Variants in KAT6B observed in about 807,000 individuals in gnomAD.
KAT6B encodes the protein histone acetyltransferase KAT6B.
Under a neutral mutation model 187.5 loss-of-function variants are expected in KAT6B, and 10 were observed. The observed-to-expected ratio is 0.05, with a 90% CI of 0.03 to 0.09. KAT6B has a LOEUF of 0.09. Among genes scored for constraint, KAT6B ranks in the 10% least tolerant of loss-of-function variants. The pLI is 1.00. For missense variants in KAT6B, 1,952 were observed against 2,558.9 expected (o/e 0.76, Z 5.12); for synonymous variants, 861 against 926.8 (o/e 0.93, Z 1.29).
chr10:74,829,679 A>G (rs1158230139), intron 1 of KAT6B, among the ~76,000 whole-genome samples: 1 of 151,572 alleles, frequency 6.6e-6, no homozygotes, highest in African/African-American at 2.4e-5. Context: ...TCCTGACCTC[A>G]GGTGATCCAC....
At chr10:74,866,253 G>A (rs1425792941) in intron 3 of KAT6B, among the ~76,000 whole-genome samples, 1 of 151,608 alleles carries the variant, frequency 6.6e-6, no homozygotes, top group Non-Finnish European at 1.5e-5. Context: ...GATTATCTAG[G>A]ATGTCTTTAT....
chr10:74,943,903 C>T (rs1849886031), intron 3 of KAT6B, among the ~76,000 whole-genome samples: 1 of 152,184 alleles, frequency 6.6e-6, no homozygotes, highest in Admixed American at 6.5e-5. Flanking sequence ...TATATACATA[C>T]ATACAAAGGA....
At chr10:75,019,582 TG>T (rs1290026478) in intron 13 of KAT6B, among the ~76,000 whole-genome samples, 2 of 152,240 alleles carry the variant, frequency 1.3e-5, no homozygotes, top group East Asian at 3.9e-4. Context: ...CTACTGTATG[TG>T]GTTGATGTTT....
intron 11 of KAT6B, chr10:74,983,805 T>C (rs934725530): frequency 6.6e-6 from 1 of 152,204 alleles, no homozygotes; most frequent in Non-Finnish European, 1.5e-5. Flanking sequence ...TTGGATTTGA[T>C]AAGTACCGAG....
intron 12 of KAT6B, among the ~76,000 whole-genome samples, chr10:74,987,437 A>G (rs1345602707): frequency 6.6e-6 from 1 of 152,194 alleles, no homozygotes; most frequent in Non-Finnish European, 1.5e-5. Context: ...CTCAAAAAAA[A>G]AAAGACTAGA....
intron 13 of KAT6B, among the ~76,000 whole-genome samples, chr10:75,002,199 G>A (rs918583959): frequency 6.6e-6 from 1 of 152,130 alleles, no homozygotes; most frequent in Non-Finnish European, 1.5e-5. Context: ...AGATCATGAA[G>A]CACTCACTTG....
At chr10:74,829,413 G>A (rs1163733155) in intron 1 of KAT6B, among the ~76,000 whole-genome samples, 1 of 151,774 alleles carries the variant, frequency 6.6e-6, no homozygotes, top group African/African-American at 2.4e-5. Flanking sequence ...AGTTTTCCAC[G>A]TGCTTACACA....
chr10:74,948,989 C>T (rs1477375623), intron 3 of KAT6B, among the ~76,000 whole-genome samples: 1 of 152,136 alleles, frequency 6.6e-6, no homozygotes, highest in Non-Finnish European at 1.5e-5. Flanking sequence ...TGGACCTGCT[C>T]CAGTGAAGGT....
chr10:74,925,920 C>T (rs1035186174), intron 3 of KAT6B, among the ~76,000 whole-genome samples: 2 of 151,944 alleles, frequency 1.3e-5, no homozygotes, highest in Middle Eastern at 3.4e-3. Flanking sequence ...CAGCTTGTGT[C>T]GCATGTGCGT....
chr10:74,891,950 G>A (rs1845669687), intron 3 of KAT6B, among the ~76,000 whole-genome samples: 1 of 152,192 alleles, frequency 6.6e-6, no homozygotes, highest in Non-Finnish European at 1.5e-5. Flanking sequence ...TGCTGTGGAA[G>A]CCAGCAGAGT....
chr10:74,830,632 T>G (rs1007582556), intron 1 of KAT6B, among the ~76,000 whole-genome samples: 31 of 149,564 alleles, frequency 2.1e-4, no homozygotes, highest in Admixed American at 1.7e-3. Flanking sequence ...TTCCCTTGCT[T>G]CTCGCCCTCT....
intron 13 of KAT6B, among the ~76,000 whole-genome samples, chr10:75,014,892 G>A (rs996201880): frequency 7.9e-5 from 12 of 152,266 alleles, no homozygotes; most frequent in East Asian, 3.9e-4. Context: ...GCTGAGTGAG[G>A]TCTTACCTAT....
chr10:74,942,619 G>T (rs1318514499), intron 3 of KAT6B, among the ~76,000 whole-genome samples: 2 of 151,968 alleles, frequency 1.3e-5, no homozygotes, highest in East Asian at 3.9e-4. Context: ...TACAAAATTA[G>T]CTGGGCATGG....
At position 75,022,240 on chromosome 10, in the gene KAT6B, C is replaced by T; in HGVS notation, c.3372+9C>T. ...TTGCCATAAAGAGAAAGGTAGGTGTCTGTTTAGATTTTCTGTGAGTCGCGT... is the reference window on the plus strand; with the variant it reads ...TTGCCATAAAGAGAAAGGTAGGTGTTTGTTTAGATTTTCTGTGAGTCGCGT... On this transcript the variant is annotated intron_variant, in intron 16 of 17. Transcript: ENST00000287239. 1 of 1,613,054 alleles carries T rather than the reference C, an allele frequency of 6.2e-7. No homozygotes were observed. Among genetic ancestry groups the T allele is most frequent in the South Asian group, 1.1e-5 (1 of 91,054 alleles).
intron 11 of KAT6B, chr10:74,982,944 A>G (rs1342462888): frequency 6.6e-6 from 1 of 152,264 alleles, no homozygotes; most frequent in Non-Finnish European, 1.5e-5. Context: ...CCTATTAAAT[A>G]AAGGGAAGGT....
intron 13 of KAT6B, among the ~76,000 whole-genome samples, chr10:75,002,227 G>A (rs933945215): frequency 1.3e-5 from 2 of 152,096 alleles, no homozygotes; most frequent in African/African-American, 4.8e-5. Flanking sequence ...AAGTCTGTCT[G>A]GGGGAGGCTG....
intron 3 of KAT6B, among the ~76,000 whole-genome samples, chr10:74,898,866 A>G (rs1484200729): frequency 6.6e-6 from 1 of 151,842 alleles, no homozygotes; most frequent in East Asian, 1.9e-4. Flanking sequence ...TTTAGAATCA[A>G]CCGGCTGGGC....
At chr10:74,850,505 T>G (rs2132159825) in intron 3 of KAT6B, among the ~76,000 whole-genome samples, 1 of 152,334 alleles carries the variant, frequency 6.6e-6, no homozygotes, top group East Asian at 1.9e-4. Context: ...CTTCTGATAG[T>G]CTGGAATTCA....
chr10:74,932,094 T>C (rs1488382729), intron 3 of KAT6B, among the ~76,000 whole-genome samples: 1 of 152,186 alleles, frequency 6.6e-6, no homozygotes, highest in Non-Finnish European at 1.5e-5. Flanking sequence ...CACATTCTCA[T>C]TCTTTGAATC....
Sources: gnomAD v4.1 joint callset for allele counts (sites outside exome capture counted in the v4.1 genomes callset) on GRCh38, gnomAD v4.1.1 for gene constraint, MANE v1.5 for transcripts, NCBI Gene and HGNC (gene_info 2026-07-23, HGNC 2026-07-21) for gene names.